Variants in PRKCE observed in about 807,000 individuals in gnomAD.
The protein encoded by PRKCE is protein kinase C epsilon type.
In PRKCE, 16 loss-of-function variants were observed where a neutral mutation model predicts 85.4. The observed-to-expected ratio is 0.19, with a 90% CI of 0.13 to 0.28. The LOEUF (loss-of-function observed/expected upper bound fraction) is 0.28. PRKCE is among the 10% of genes least tolerant of loss of function. The probability of loss-of-function intolerance (pLI) is 1.00; values close to 1 mark genes in which losing one functional copy is unlikely to be tolerated. For missense variants in PRKCE, 573 were observed against 975.2 expected, an observed-to-expected ratio of 0.59 and a Z score of 5.49; for synonymous variants, 388 against 371.5, an observed-to-expected ratio of 1.04 and a Z score of -0.51.
At chr2:45,868,932 TG>T (rs1426540886) in intron 2 of PRKCE, among the ~76,000 whole-genome samples, 2 of 146,342 alleles carry the variant, frequency 1.4e-5, no homozygotes, top group Non-Finnish European at 3.0e-5. Flanking sequence ...CACTCCAGCC[TG>T]AGTGACAGAG....
intron 1 of PRKCE, among the ~76,000 whole-genome samples, chr2:45,703,021 T>TCCCG (rs1678787495): frequency 2.0e-5 from 3 of 149,960 alleles, no homozygotes; most frequent in African/African-American, 7.4e-5. Context: ...AAGCCTTTTT[T>TCCCG]CCCCCCCCGT....
intron 2 of PRKCE, among the ~76,000 whole-genome samples, chr2:45,867,943 A>G (rs919975793): frequency 2.0e-5 from 3 of 152,138 alleles, no homozygotes; most frequent in Non-Finnish European, 4.4e-5. Context: ...TGAACGTCTC[A>G]CTAGTTGGCC....
chr2:45,854,410 G>A (rs2105587538), intron 2 of PRKCE, among the ~76,000 whole-genome samples: 1 of 152,302 alleles, frequency 6.6e-6, no homozygotes, highest in African/African-American at 2.4e-5. Context: ...TTATTCCAGG[G>A]CCTCAATAGC....
intron 10 of PRKCE, among the ~76,000 whole-genome samples, chr2:46,018,226 C>A (rs1706331724): frequency 6.6e-6 from 1 of 152,192 alleles, no homozygotes; most frequent in Non-Finnish European, 1.5e-5. Context: ...TAGGATGAGG[C>A]CCTCACACTT....
At chr2:45,943,860 C>T (rs772669505) in intron 2 of PRKCE, among the ~76,000 whole-genome samples, 2 of 152,146 alleles carry the variant, frequency 1.3e-5, no homozygotes, top group African/African-American at 2.4e-5. Context: ...GGAGTGACCG[C>T]GCAGTGAAAC....
intron 2 of PRKCE, among the ~76,000 whole-genome samples, chr2:45,862,188 A>G (rs1693215839): frequency 1.2e-5 from 1 of 80,234 alleles, no homozygotes; most frequent in East Asian, 2.6e-3. Flanking sequence ...TTGTATACAC[A>G]CACACACACA....
chr2:45,928,777 CT>C (rs898690247), intron 2 of PRKCE, among the ~76,000 whole-genome samples: 5 of 151,594 alleles, frequency 3.3e-5, no homozygotes, highest in African/African-American at 9.7e-5. Flanking sequence ...TGTGGATGGA[CT>C]TTTTTTTTCC....
chr2:45,988,498 A>G (rs1703521876), intron 6 of PRKCE, among the ~76,000 whole-genome samples: 1 of 152,068 alleles, frequency 6.6e-6, no homozygotes. Flanking sequence ...AGGGCATACA[A>G]CCAGGAACTG....
At chr2:46,137,617 C>G (rs920863448) in intron 11 of PRKCE, among the ~76,000 whole-genome samples, 2 of 149,104 alleles carry the variant, frequency 1.3e-5, no homozygotes, top group Non-Finnish European at 1.5e-5. Context: ...AAAAAAAGAT[C>G]TGGACAGTAG....
At chr2:45,806,952 G>C (rs566743713) in intron 1 of PRKCE, among the ~76,000 whole-genome samples, 3 of 152,358 alleles carry the variant, frequency 2.0e-5, no homozygotes, top group African/African-American at 7.2e-5. Flanking sequence ...TTTGCCTAGA[G>C]AGCCACTGTG....
intron 1 of PRKCE, among the ~76,000 whole-genome samples, chr2:45,721,582 A>G (rs1327413098): frequency 1.3e-5 from 2 of 152,138 alleles, no homozygotes; most frequent in Non-Finnish European, 2.9e-5. Flanking sequence ...CTCAAAACAC[A>G]TAGATGAGAG....
At chr2:45,924,008 G>C (rs1218094458) in intron 2 of PRKCE, among the ~76,000 whole-genome samples, 1 of 152,318 alleles carries the variant, frequency 6.6e-6, no homozygotes, top group African/African-American at 2.4e-5. Context: ...TGAGTTTGTT[G>C]TGTCCCTGGG....
intron 1 of PRKCE, among the ~76,000 whole-genome samples, chr2:45,823,842 A>T (rs1689727146): frequency 6.6e-6 from 1 of 152,246 alleles, no homozygotes; most frequent in South Asian, 2.1e-4. Flanking sequence ...TGCTCTGGAC[A>T]ACTGGGTCTG....
At chr2:45,799,619 A>G (rs996070149) in intron 1 of PRKCE, among the ~76,000 whole-genome samples, 14 of 152,228 alleles carry the variant, frequency 9.2e-5, no homozygotes, top group African/African-American at 3.4e-4. Context: ...TTTCAAAAAA[A>G]GATTGTCTTC....
At chr2:46,116,730 G>A (rs1475948280) in intron 11 of PRKCE, among the ~76,000 whole-genome samples, 3 of 130,800 alleles carry the variant, frequency 2.3e-5, no homozygotes, top group Admixed American at 8.5e-5. Flanking sequence ...CTGTTCCTGA[G>A]AAGGATGCCT....
chr2:45,945,937 G>A (rs1303759579), intron 2 of PRKCE, among the ~76,000 whole-genome samples: 8 of 152,246 alleles, frequency 5.3e-5, no homozygotes, highest in African/African-American at 1.9e-4. Flanking sequence ...TATGTGTGAA[G>A]CCATGGTTGA....
intron 10 of PRKCE, among the ~76,000 whole-genome samples, chr2:46,016,086 T>C (rs1476366777): frequency 6.6e-6 from 1 of 152,194 alleles, no homozygotes; most frequent in African/African-American, 2.4e-5. Flanking sequence ...CAGTTATTAA[T>C]AGAATCAGAC....
intron 1 of PRKCE, among the ~76,000 whole-genome samples, chr2:45,663,727 G>A (rs1675783883): frequency 6.6e-6 from 1 of 152,016 alleles, no homozygotes; most frequent in Admixed American, 6.5e-5. Flanking sequence ...AAGTTGCAGT[G>A]AGCCGATGTT....
chr2:45,926,396 T>G (rs1182358619), intron 2 of PRKCE, among the ~76,000 whole-genome samples: 1 of 152,202 alleles, frequency 6.6e-6, no homozygotes, highest in Non-Finnish European at 1.5e-5. Flanking sequence ...GAGGAGCTGG[T>G]GAAATCAGTG....
Sources: allele counts gnomAD v4.1 joint callset (sites outside exome capture counted in the v4.1 genomes callset), GRCh38; gene constraint gnomAD v4.1.1; transcripts MANE v1.5; gene names NCBI Gene and HGNC (gene_info 2026-07-23, HGNC 2026-07-21).